LGSN: variants seen among roughly 807,000 people sequenced by gnomAD.
LGSN encodes lengsin, lens protein with glutamine synthetase domain, also known as lengsin.
LGSN carries 21 observed loss-of-function variants against 19.5 expected under a neutral mutation model. The ratio of observed to expected loss-of-function variants is 1.07; its 90% confidence interval spans 0.76 to 1.55. LGSN has a LOEUF of 1.55. Among genes scored for constraint, LGSN ranks in the 40% most tolerant of loss-of-function variants. The probability of loss-of-function intolerance (pLI) is 0.00; values close to 1 mark genes in which losing one functional copy is unlikely to be tolerated. For missense variants in LGSN, 673 were observed against 608.5 expected (o/e 1.11, Z -1.12); for synonymous variants, 257 against 215.6 (o/e 1.19, Z -1.68).
the LGSN span, among the ~76,000 whole-genome samples, chr6:63,371,073 T>C: frequency 0.01 from 1,579 of 152,316 alleles, 32 homozygotes; most frequent in African/African-American, 0.036. Context: ...TATTAATTTC[T>C]CAAAATGTTA....
intron 2 of LGSN, among the ~76,000 whole-genome samples, chr6:63,287,855 T>G (rs1048743065): frequency 6.6e-6 from 1 of 152,168 alleles, no homozygotes; most frequent in African/African-American, 2.4e-5. Flanking sequence ...ACAGGTAGTC[T>G]TACTAGTTTT....
At chr6:63,357,208 A>C in the LGSN span, among the ~76,000 whole-genome samples, 1 of 152,118 alleles carries the variant, frequency 6.6e-6, no homozygotes, top group Non-Finnish European at 1.5e-5. Flanking sequence ...TATATGTGCC[A>C]CATTTTCTTA....
the LGSN span, among the ~76,000 whole-genome samples, chr6:63,365,025 A>T: frequency 6.6e-6 from 1 of 152,192 alleles, no homozygotes. Flanking sequence ...AATTAAAAGA[A>T]CTAGAGAAGC....
the LGSN span, among the ~76,000 whole-genome samples, chr6:63,535,290 C>G: frequency 3.3e-5 from 5 of 151,964 alleles, no homozygotes; most frequent in Non-Finnish European, 7.4e-5. Context: ...CATGGTGAAA[C>G]CCCGTTTCTA....
chr6:63,306,335 T>G (rs1185668463), intron 1 of LGSN, among the ~76,000 whole-genome samples: 5 of 152,206 alleles, frequency 3.3e-5, no homozygotes, highest in African/African-American at 1.2e-4. Flanking sequence ...ATAATTGACT[T>G]AAATGGAATT....
chr6:63,538,421 A>G, the LGSN span, among the ~76,000 whole-genome samples: 2 of 152,358 alleles, frequency 1.3e-5, no homozygotes, highest in East Asian at 1.9e-4. Context: ...TAAAAGATCA[A>G]TGTTGGATAT....
At chr6:63,409,378 T>C in the LGSN span, among the ~76,000 whole-genome samples, 1 of 152,234 alleles carries the variant, frequency 6.6e-6, no homozygotes, top group African/African-American at 2.4e-5. Flanking sequence ...GTTTTACATA[T>C]ATCTAAACTT....
the LGSN span, among the ~76,000 whole-genome samples, chr6:63,364,414 A>C: frequency 9.2e-5 from 14 of 152,218 alleles, no homozygotes; most frequent in African/African-American, 3.1e-4. Context: ...CGCCCAATAC[A>C]GGAGCAACCA....
At chr6:63,509,471 A>G in the LGSN span, among the ~76,000 whole-genome samples, 1 of 152,192 alleles carries the variant, frequency 6.6e-6, no homozygotes, top group East Asian at 1.9e-4. Context: ...TATAATCTCA[A>G]TTAGGTGTGC....
At chr6:63,511,977 G>C in the LGSN span, among the ~76,000 whole-genome samples, 1 of 152,170 alleles carries the variant, frequency 6.6e-6, no homozygotes, top group Non-Finnish European at 1.5e-5. Context: ...TGGTGAAACT[G>C]TAAGGATACT....
the LGSN span, among the ~76,000 whole-genome samples, chr6:63,502,541 G>A: frequency 6.6e-6 from 1 of 152,148 alleles, no homozygotes; most frequent in African/African-American, 2.4e-5. Context: ...AATATATTAA[G>A]TCTGTTGATA....
the LGSN span, among the ~76,000 whole-genome samples, chr6:63,340,022 G>A: frequency 6.6e-6 from 1 of 151,954 alleles, no homozygotes; most frequent in Non-Finnish European, 1.5e-5. Context: ...AAAAAAGATA[G>A]CTGTACTGGT....
chr6:63,412,464 AAAAG>A, the LGSN span, among the ~76,000 whole-genome samples: 7 of 128,702 alleles, frequency 5.4e-5, no homozygotes, highest in Admixed American at 2.4e-4. Flanking sequence ...GAAAGAAAGA[AAAAG>A]AGAGAGAAGA....
In LGSN at chr6:63,319,925, G is replaced by C; in HGVS notation, c.19C>G (p.Leu7Val). Residue 7 changes from leucine to valine, a missense_variant, in exon 1 of 4, where the codon CTT becomes GTT. Physicochemically the swap from Leu to Val is conservative, Grantham distance 32. Coordinates refer to ENST00000370657, the MANE Select transcript of LGSN (RefSeq NM_016571.3). ...GATTAGCTTCATACCTCCTGCAGAAGGTCCTCTTCATTATTCATCTCAACA... is the reference window on the plus strand; with the variant it reads ...GATTAGCTTCATACCTCCTGCAGAACGTCCTCTTCATTATTCATCTCAACA... The part of the protein sequence containing the change: MNNEED[L>V]LQEDSTRDEG... The C allele has an allele frequency of 6.2e-7, 1 of 1,609,598 alleles. No individual in the cohort carries two copies.
At chr6:63,371,998 A>G in the LGSN span, among the ~76,000 whole-genome samples, 1 of 152,162 alleles carries the variant, frequency 6.6e-6, no homozygotes. Flanking sequence ...ATTGTCACTG[A>G]TGTCTGCAAA....
At chr6:63,479,824 T>G in the LGSN span, among the ~76,000 whole-genome samples, 2 of 152,350 alleles carry the variant, frequency 1.3e-5, no homozygotes, top group South Asian at 2.1e-4. Flanking sequence ...TTTAATTGAT[T>G]TGGCCATACT....
chr6:63,369,750 G>A, the LGSN span, among the ~76,000 whole-genome samples: 1 of 152,200 alleles, frequency 6.6e-6, no homozygotes, highest in Non-Finnish European at 1.5e-5. Flanking sequence ...GCCAGGTGAG[G>A]TGGCTCATGC....
At chr6:63,465,139 T>C in the LGSN span, among the ~76,000 whole-genome samples, 1 of 152,078 alleles carries the variant, frequency 6.6e-6, no homozygotes, top group Admixed American at 6.6e-5. Context: ...TACTATATAA[T>C]GGTGTGCTAC....
the LGSN span, among the ~76,000 whole-genome samples, chr6:63,411,623 T>C: frequency 6.6e-6 from 1 of 152,162 alleles, no homozygotes; most frequent in Non-Finnish European, 1.5e-5. Flanking sequence ...GAGGATCCTT[T>C]GAGCCCAGGA....
Sources: gnomAD v4.1 joint callset for allele counts (sites outside exome capture counted in the v4.1 genomes callset) on GRCh38, gnomAD v4.1.1 for gene constraint, MANE v1.5 for transcripts, NCBI Gene and HGNC (gene_info 2026-07-23, HGNC 2026-07-21) for gene names.